DROSHA: variants seen among roughly 807,000 people sequenced by gnomAD.
The protein encoded by DROSHA is ribonuclease 3.
In DROSHA, 56 loss-of-function variants were observed where a neutral mutation model predicts 181.9. That is an observed-to-expected ratio of 0.31 (90% CI 0.25 to 0.38). The LOEUF is 0.38. DROSHA is among the 10% of genes least tolerant of loss of function. DROSHA has a pLI of 1.00. For missense variants in DROSHA, 1,218 were observed against 1,743.5 expected, an observed-to-expected ratio of 0.70 and a Z score of 5.37; for synonymous variants, 524 against 591.2, an observed-to-expected ratio of 0.89 and a Z score of 1.65.
At chr5:31,449,053 T>C (rs1746650053) in intron 22 of DROSHA, among the ~76,000 whole-genome samples, 1 of 151,920 alleles carries the variant, frequency 6.6e-6, no homozygotes, top group African/African-American at 2.4e-5. Flanking sequence ...GAGAATCACT[T>C]GAACCCAGGA....
chr5:31,529,969 T>C (rs1274246686), intron 3 of DROSHA, among the ~76,000 whole-genome samples: 3 of 152,150 alleles, frequency 2.0e-5, no homozygotes, highest in Non-Finnish European at 4.4e-5. Flanking sequence ...AAATATTGAG[T>C]ACAAAAAGCT....
rs765986893 is a variant in DROSHA, at chr5:31,526,261, C to G, written c.672G>C (p.Arg224Ser). Residue 224 changes from arginine to serine, a missense_variant, in exon 5 of 36, where the codon AGG becomes AGC. Physicochemically the swap from Arg to Ser is moderately radical, Grantham distance 110. Transcript: ENST00000344624. ...KAPSERRSPE[R>S]LKHYDDHRHR... ...GCCTGTGGTCATCATAGTGTTTCAG[C>G]CTTTCTGGGGACCTTCTCTCACTGG... 3 of 1,613,824 alleles carry G rather than the reference C, an allele frequency of 1.9e-6. No individual in the cohort carries two copies. Among genetic ancestry groups the G allele is most frequent in the South Asian group, 1.1e-5 (1 of 91,056 alleles).
intron 19 of DROSHA, 66 bp from the exon 20 acceptor site, chr5:31,464,409 G>A: frequency 2.1e-6 from 3 of 1,419,716 alleles, no homozygotes; most frequent in Admixed American, 3.7e-5. Flanking sequence ...CAAACATCAA[G>A]CATTAGAAAA....
intron 23 of DROSHA, among the ~76,000 whole-genome samples, chr5:31,446,293 A>G (rs1362747402): frequency 2.0e-5 from 3 of 151,904 alleles, no homozygotes; most frequent in Admixed American, 6.5e-5. Flanking sequence ...AAAAATACAA[A>G]AAAATTAGCC....
intron 24 of DROSHA, among the ~76,000 whole-genome samples, chr5:31,436,637 C>T (rs1962130): frequency 0.15 from 22,175 of 151,998 alleles, 1,990 homozygotes; most frequent in East Asian, 0.32. Flanking sequence ...AGGTGATCCA[C>T]CCGCCTTGGC....
chr5:31,440,212 C>A (rs1322087501), intron 23 of DROSHA, among the ~76,000 whole-genome samples: 2 of 152,174 alleles, frequency 1.3e-5, no homozygotes, highest in African/African-American at 4.8e-5. Flanking sequence ...AGTACTGGAG[C>A]TGCCAGGGGT....
chr5:31,446,273 T>C (rs4867065), intron 23 of DROSHA, among the ~76,000 whole-genome samples: 16,031 of 151,552 alleles, frequency 0.11, 946 homozygotes, highest in East Asian at 0.25. Context: ...AGTGAGACCC[T>C]GTCTCTACTA....
At position 31,512,732 on chromosome 5, in the gene DROSHA, C is replaced by T. The variant is rs537965676; in HGVS notation, c.1291-1556G>A. Among the ~76,000 whole-genome samples the T allele has an allele frequency of 4.6e-5, 7 of 152,270 alleles. No individual in the cohort carries two copies. The South Asian group carries it at 1.5e-3, about 32-fold the overall frequency. ...AAAGAGGCAAGAGATATTCAAAACA[C>T]GAGAAGGACTCGACCACCATTGCTG... On this transcript the variant is annotated intron_variant, in intron 8 of 35. Transcript: ENST00000344624.
chr5:31,467,864 AAGGGT>A, intron 18 of DROSHA, 70 bp downstream of exon 18: 1 of 1,543,696 alleles, frequency 6.5e-7, no homozygotes, highest in Admixed American at 1.8e-5. Flanking sequence ...ACATCCACTA[AAGGGT>A]ATTTCTCTGC....
chr5:31,424,145 G>C (rs534879778), intron 28 of DROSHA, among the ~76,000 whole-genome samples: 147 of 152,196 alleles, frequency 9.7e-4, no homozygotes, highest in Non-Finnish European at 4.9e-4. Flanking sequence ...TCACCTTTTG[G>C]TGGTGGTGGG....
intron 24 of DROSHA, among the ~76,000 whole-genome samples, chr5:31,436,612 T>C (rs144376274): frequency 0.024 from 3,677 of 152,128 alleles, 72 homozygotes; most frequent in African/African-American, 0.054. Context: ...AGGCTGGTCT[T>C]GAACTCCTGA....
At chr5:31,446,155 A>G (rs1461792408) in intron 23 of DROSHA, among the ~76,000 whole-genome samples, 2 of 152,152 alleles carry the variant, frequency 1.3e-5, no homozygotes, top group Non-Finnish European at 2.9e-5. Context: ...AAATTCAGAA[A>G]ATAATTCCAG....
chr5:31,466,658 TGAAA>T (rs1385630389), intron 18 of DROSHA, among the ~76,000 whole-genome samples: 1 of 152,178 alleles, frequency 6.6e-6, no homozygotes, highest in Non-Finnish European at 1.5e-5. Flanking sequence ...TGATATTTGT[TGAAA>T]GAAAGACCCC....
At chr5:31,500,947 G>A (rs1002651422) in intron 11 of DROSHA, among the ~76,000 whole-genome samples, 1 of 152,210 alleles carries the variant, frequency 6.6e-6, no homozygotes, top group African/African-American at 2.4e-5. Context: ...GGATAACCAA[G>A]ACACTGAAGG....
At chr5:31,436,118 G>A (rs1412963293) in intron 24 of DROSHA, among the ~76,000 whole-genome samples, 1 of 152,136 alleles carries the variant, frequency 6.6e-6, no homozygotes, top group Non-Finnish European at 1.5e-5. Flanking sequence ...GAAATCTGAT[G>A]ACAACAAAGA....
chr5:31,401,661 G>T, intron 35 of DROSHA, 99 bp from the exon 36 acceptor site: 2 of 750,548 alleles, frequency 2.7e-6, no homozygotes, highest in Non-Finnish European at 3.5e-6. Context: ...AAATATACGT[G>T]CATATGAAAT....
At chr5:31,519,251 A>T (rs1462710701) in intron 6 of DROSHA, among the ~76,000 whole-genome samples, 7 of 152,116 alleles carry the variant, frequency 4.6e-5, no homozygotes, top group Non-Finnish European at 1.0e-4. Context: ...CATCCACCTC[A>T]AATAGGTCCT....
At chr5:31,449,454 A>G (rs1314610065) in intron 21 of DROSHA, 35 bp from the exon 22 acceptor site, 1 of 1,543,012 alleles carries the variant, frequency 6.5e-7, no homozygotes, top group South Asian at 1.2e-5. Context: ...AGTCTTTAAA[A>G]CAGCATAAAC....
At chr5:31,510,975 A>C in intron 9 of DROSHA, 60 bp downstream of exon 9, 2 of 1,580,922 alleles carry the variant, frequency 1.3e-6, no homozygotes, top group Non-Finnish European at 1.7e-6. Flanking sequence ...TATTTCCCCA[A>C]AATTTAGGAA....
Sources: allele counts gnomAD v4.1 joint callset (sites outside exome capture counted in the v4.1 genomes callset), GRCh38; gene constraint gnomAD v4.1.1; transcripts MANE v1.5; gene names NCBI Gene and HGNC (gene_info 2026-07-23, HGNC 2026-07-21).